Variants in BTG4 observed in about 807,000 individuals in gnomAD.
BTG4 encodes the protein protein BTG4.
Under a neutral mutation model 19.3 loss-of-function variants are expected in BTG4, and 10 were observed. The ratio of observed to expected loss-of-function variants is 0.52; its 90% CI spans 0.32 to 0.88. The LOEUF (loss-of-function observed/expected upper bound fraction) is 0.88, where lower values mean the gene tolerates loss of function less well. Among genes scored for constraint, BTG4 ranks in the 40% least tolerant of loss-of-function variants. BTG4 has a pLI of 0.04. For synonymous variants in BTG4, 91 were observed against 95.7 expected (o/e 0.95, Z 0.29); for missense variants, 238 against 281.9 (o/e 0.84, Z 1.11).
At chr11:111,446,298 T>A in the BTG4 span, among the ~76,000 whole-genome samples, 4 of 152,220 alleles carry the variant, frequency 2.6e-5, no homozygotes, top group African/African-American at 9.7e-5. Context: ...TTTCTCCATT[T>A]CTTAACACAA....
At chr11:111,410,751 C>T in the BTG4 span, among the ~76,000 whole-genome samples, 1 of 152,220 alleles carries the variant, frequency 6.6e-6, no homozygotes, top group South Asian at 2.1e-4. Context: ...CTCAACCTGT[C>T]TACTGATTTT....
At chr11:111,407,801 A>G in the BTG4 span, among the ~76,000 whole-genome samples, 8 of 152,380 alleles carry the variant, frequency 5.3e-5, no homozygotes, top group African/African-American at 1.9e-4. Flanking sequence ...GCTCATCCTC[A>G]GAGAGGGTAA....
chr11:111,481,636 G>C (rs1432552300), intron 5 of BTG4, among the ~76,000 whole-genome samples: 1 of 151,410 alleles, frequency 6.6e-6, no homozygotes, highest in Non-Finnish European at 1.5e-5. Flanking sequence ...GATCAAGTTG[G>C]GTTTATTTCA....
At chr11:111,393,259 T>C in the BTG4 span, among the ~76,000 whole-genome samples, 2 of 152,222 alleles carry the variant, frequency 1.3e-5, no homozygotes, top group African/African-American at 4.8e-5. Context: ...TGAGTCACTT[T>C]ATCTAATCTA....
upstream of BTG4, chr11:111,514,445 T>C: frequency 3.1e-6 from 1 of 327,524 alleles, no homozygotes; most frequent in Non-Finnish European, 5.8e-6. Context: ...CTGAGGAATT[T>C]AAAGTTTATT....
At chr11:111,508,977 A>G (rs1205591742) in intron 1 of BTG4, among the ~76,000 whole-genome samples, 3 of 152,092 alleles carry the variant, frequency 2.0e-5, no homozygotes, top group Non-Finnish European at 4.4e-5. Flanking sequence ...GCCATACCTA[A>G]GAGCTCCGGC....
At chr11:111,438,105 A>C in the BTG4 span, among the ~76,000 whole-genome samples, 1 of 152,204 alleles carries the variant, frequency 6.6e-6, no homozygotes, top group African/African-American at 2.4e-5. Context: ...TGCTGCTTAA[A>C]GGAAGAGGGG....
chr11:111,507,623 T>A (rs1022825644), intron 1 of BTG4, among the ~76,000 whole-genome samples: 10 of 152,208 alleles, frequency 6.6e-5, no homozygotes. Context: ...ATGCAGCAGA[T>A]TCTCTTGAAT....
At chr11:111,464,074 G>A (rs1374441235), downstream of BTG4, among the ~76,000 whole-genome samples, 3 of 152,200 alleles carry the variant, frequency 2.0e-5, no homozygotes, top group Admixed American at 6.5e-5. Context: ...TCCACTCACT[G>A]CAACCTCTGC....
chr11:111,448,453 G>A, the BTG4 span: 1 of 152,796 alleles, frequency 6.5e-6, no homozygotes, highest in African/African-American at 2.4e-5. Context: ...CCTACAGGTA[G>A]TCTCTGTCCT....
the BTG4 span, among the ~76,000 whole-genome samples, chr11:111,428,455 C>T: frequency 6.6e-6 from 1 of 152,168 alleles, no homozygotes; most frequent in Non-Finnish European, 1.5e-5. Flanking sequence ...TTGTGCAGAG[C>T]CTCCAGTCAG....
At chr11:111,468,351 T>TAAATGAGA (rs1470668866) in intron 5 of BTG4, among the ~76,000 whole-genome samples, 4 of 152,244 alleles carry the variant, frequency 2.6e-5, no homozygotes, top group Non-Finnish European at 5.9e-5. Flanking sequence ...ACAGGCATGG[T>TAAATGAGA]CTCATTTACG....
the BTG4 span, among the ~76,000 whole-genome samples, chr11:111,447,068 T>G: frequency 6.6e-6 from 1 of 152,352 alleles, no homozygotes; most frequent in Non-Finnish European, 1.5e-5. Context: ...ACCTGCTCCC[T>G]GTGCCCCGGG....
chr11:111,390,750 C>G, the BTG4 span, among the ~76,000 whole-genome samples: 4 of 152,212 alleles, frequency 2.6e-5, no homozygotes, highest in Admixed American at 2.6e-4. Context: ...TCTTGACTCT[C>G]CCTCTTTCTT....
At position 111,510,304 on chromosome 11, in the gene BTG4, A is replaced by G. The variant is rs531495291; in HGVS notation, c.-27+1877T>C. On this transcript the variant is annotated intron_variant, in intron 1 of 4. Coordinates refer to ENST00000692032, the MANE Select transcript of BTG4 (RefSeq NM_001367975.1). ...AATATAAATGTGCCAAAGCTAAAGC[A>G]GAAGGTATTTGTTTTCTACACTCTT... 2.0e-5 allele frequency among the ~76,000 whole-genome samples: 3 copies of G among 152,318 alleles called. No individual in the cohort carries two copies. The East Asian group carries it at 5.8e-4, about 29-fold the overall frequency.
chr11:111,491,476 G>A (rs1457405765), downstream of BTG4, among the ~76,000 whole-genome samples: 2 of 152,118 alleles, frequency 1.3e-5, no homozygotes, highest in Non-Finnish European at 2.9e-5. Flanking sequence ...GGCCAGGCAT[G>A]GTGGCTCATG....
chr11:111,509,554 G>C (rs1866712012), intron 1 of BTG4, among the ~76,000 whole-genome samples: 1 of 151,920 alleles, frequency 6.6e-6, no homozygotes, highest in Non-Finnish European at 1.5e-5. Context: ...AAATTAGCCA[G>C]GCATGGTGGT....
chr11:111,436,698 G>T, the BTG4 span, among the ~76,000 whole-genome samples: 1 of 151,860 alleles, frequency 6.6e-6, no homozygotes, highest in African/African-American at 2.4e-5. Flanking sequence ...GCAGACATGG[G>T]TGCAGACCGT....
At chr11:111,398,517 AAT>A in the BTG4 span, among the ~76,000 whole-genome samples, 1 of 152,026 alleles carries the variant, frequency 6.6e-6, no homozygotes, top group East Asian at 1.9e-4. Flanking sequence ...GCAGTGGCTC[AAT>A]CTCGGCTCAC....
Sources: gnomAD v4.1 joint callset for allele counts (sites outside exome capture counted in the v4.1 genomes callset) on GRCh38, gnomAD v4.1.1 for gene constraint, MANE v1.5 for transcripts, NCBI Gene and HGNC (gene_info 2026-07-23, HGNC 2026-07-21) for gene names.